Variants in AKT3 observed in about 807,000 individuals in gnomAD.
AKT3 encodes the protein AKT serine/threonine kinase 3.
In AKT3, 15 loss-of-function variants were observed where a neutral mutation model predicts 65.3. The ratio of observed to expected loss-of-function variants is 0.23; its 90% CI spans 0.15 to 0.35. The LOEUF (loss-of-function observed/expected upper bound fraction) is 0.35, where lower values mean the gene tolerates loss of function less well. AKT3 is among the 10% of genes least tolerant of loss of function. The probability of loss-of-function intolerance (pLI) is 1.00; values close to 1 mark genes in which losing one functional copy is unlikely to be tolerated. For missense variants in AKT3, 243 were observed against 576.5 expected, an observed-to-expected ratio of 0.42 and a Z score of 5.92; for synonymous variants, 206 against 183.8, an observed-to-expected ratio of 1.12 and a Z score of -0.98.
At chr1:243,822,452 A>G (rs1693910684) in intron 2 of AKT3, among the ~76,000 whole-genome samples, 1 of 147,112 alleles carries the variant, frequency 6.8e-6, no homozygotes, top group African/African-American at 2.6e-5. Flanking sequence ...GGAGAGAGAG[A>G]CACTAAAAAC....
At chr1:243,648,315 G>A (rs555144400) in intron 4 of AKT3, among the ~76,000 whole-genome samples, 4 of 151,438 alleles carry the variant, frequency 2.6e-5, no homozygotes, top group Non-Finnish European at 5.9e-5. Flanking sequence ...TTCTTTTTCT[G>A]TATCTCTATA....
At chr1:243,595,174 T>C (rs1365578420) in intron 8 of AKT3, among the ~76,000 whole-genome samples, 1 of 152,238 alleles carries the variant, frequency 6.6e-6, no homozygotes, top group East Asian at 1.9e-4. Context: ...GGTACAGACC[T>C]GTACAGCATG....
chr1:243,815,430 C>A (rs771831228), intron 2 of AKT3, among the ~76,000 whole-genome samples: 1 of 152,174 alleles, frequency 6.6e-6, no homozygotes, highest in South Asian at 2.1e-4. Flanking sequence ...TTTAAGCCCT[C>A]GAGCAAAGCC....
chr1:243,837,968 G>C (rs921396163), intron 2 of AKT3, among the ~76,000 whole-genome samples: 4 of 152,138 alleles, frequency 2.6e-5, no homozygotes, highest in African/African-American at 9.7e-5. Context: ...CAGATAACTT[G>C]ACCATCTATG....
chr1:243,540,400 T>C (rs1672225983), intron 12 of AKT3, among the ~76,000 whole-genome samples: 1 of 152,180 alleles, frequency 6.6e-6, no homozygotes, highest in Non-Finnish European at 1.5e-5. Context: ...CCATTCATGA[T>C]TTTAAAAACT....
At chr1:243,811,094 T>C (rs1163825277) in intron 2 of AKT3, among the ~76,000 whole-genome samples, 1 of 152,194 alleles carries the variant, frequency 6.6e-6, no homozygotes, top group East Asian at 1.9e-4. Context: ...ACTGGAAGCA[T>C]TCCCTTTGAA....
At chr1:243,691,677 G>C (rs1036762539) in intron 3 of AKT3, among the ~76,000 whole-genome samples, 2 of 152,188 alleles carry the variant, frequency 1.3e-5, no homozygotes, top group Non-Finnish European at 2.9e-5. Context: ...CTCAGATACT[G>C]AGTACAAAGG....
chr1:243,489,247 C>A, intron 13 of AKT3: 1 of 1,436,262 alleles, frequency 7.0e-7, no homozygotes, highest in Non-Finnish European at 9.5e-7. Flanking sequence ...CATCGGTTAG[C>A]AGTAAGCTGG....
rs912334660 is a variant in AKT3, at chr1:243,649,408, T to C, written c.285-3371A>G. On this transcript the variant is annotated intron_variant, in intron 4 of 13. Coordinates refer to ENST00000673466, the MANE Select transcript of AKT3 (RefSeq NM_005465.7). ...TATATATGTTATGTGTATATATATATACACATACACACATACATACACACT... is the reference window on the plus strand; with the variant it reads ...TATATATGTTATGTGTATATATATACACACATACACACATACATACACACT... 3.3e-5 allele frequency among the ~76,000 whole-genome samples: 5 copies of C among 151,664 alleles called. No homozygotes were observed. In the South Asian group the frequency reaches 1.0e-3, roughly 32 times the overall value.
In AKT3 at chr1:243,649,606, C is replaced by A. The variant is rs1681145978; in HGVS notation, c.285-3569G>T. Among the ~76,000 whole-genome samples, 4 of 152,054 alleles carry A rather than the reference C, an allele frequency of 2.6e-5. No individual in the cohort carries two copies. In the South Asian group the frequency reaches 8.3e-4, roughly 32 times the overall value. ...AGGCCCCAGTATGTGATGTTCCCCT[C>A]CCTGTGTCCATGTGTTCTCATTGTT... is the stretch of plus-strand genomic sequence containing the variant. On this transcript the variant is annotated intron_variant, in intron 4 of 13. Coordinates refer to ENST00000673466, the MANE Select transcript of AKT3 (RefSeq NM_005465.7).
chr1:243,516,009 T>C (rs371733847), intron 12 of AKT3, among the ~76,000 whole-genome samples: 14 of 152,084 alleles, frequency 9.2e-5, no homozygotes, highest in African/African-American at 3.1e-4. Context: ...CATATTGATA[T>C]CAAGTTAATA....
intron 2 of AKT3, among the ~76,000 whole-genome samples, chr1:243,714,729 T>G (rs1686394741): frequency 1.3e-5 from 2 of 152,118 alleles, no homozygotes; most frequent in Admixed American, 1.3e-4. Flanking sequence ...AATCTAAACA[T>G]AAATTGACTT....
chr1:243,781,995 G>C (rs1421639676), intron 2 of AKT3, among the ~76,000 whole-genome samples: 2 of 152,054 alleles, frequency 1.3e-5, no homozygotes, highest in Non-Finnish European at 2.9e-5. Context: ...GCTAACTTTT[G>C]TATTTTTTGT....
At chr1:243,776,406 T>C (rs1350340398) in intron 2 of AKT3, among the ~76,000 whole-genome samples, 4 of 152,124 alleles carry the variant, frequency 2.6e-5, no homozygotes, top group Admixed American at 2.0e-4. Context: ...TAGAGTTAGA[T>C]GAAGTTCAGG....
intron 2 of AKT3, among the ~76,000 whole-genome samples, chr1:243,748,195 T>C (rs1055568069): frequency 1.3e-5 from 2 of 152,196 alleles, no homozygotes; most frequent in South Asian, 2.1e-4. Flanking sequence ...TTATATTGCA[T>C]AGCTATCCAA....
At chr1:243,672,877 G>C (rs190822151) in intron 3 of AKT3, among the ~76,000 whole-genome samples, 1 of 152,142 alleles carries the variant, frequency 6.6e-6, no homozygotes, top group African/African-American at 2.4e-5. Context: ...GAGTCTTCTG[G>C]AACAACTGTT....
intron 4 of AKT3, among the ~76,000 whole-genome samples, chr1:243,653,032 C>T (rs1266996834): frequency 6.6e-6 from 1 of 151,376 alleles, no homozygotes; most frequent in East Asian, 1.9e-4. Flanking sequence ...ATGAAAAAAC[C>T]CTTCAAAAAA....
intron 2 of AKT3, among the ~76,000 whole-genome samples, chr1:243,800,945 G>C (rs1232042395): frequency 1.3e-5 from 2 of 152,134 alleles, no homozygotes; most frequent in Non-Finnish European, 2.9e-5. Context: ...ATTTCTGAAA[G>C]TGGGTTCAGT....
chr1:243,524,319 C>T (rs1201787194), intron 12 of AKT3, among the ~76,000 whole-genome samples: 2 of 152,166 alleles, frequency 1.3e-5, no homozygotes, highest in Admixed American at 1.3e-4. Flanking sequence ...GTGCCAAACA[C>T]CAAGCACCAG....
Sources: allele counts gnomAD v4.1 joint callset (sites outside exome capture counted in the v4.1 genomes callset), GRCh38; gene constraint gnomAD v4.1.1; transcripts MANE v1.5; gene names NCBI Gene and HGNC (gene_info 2026-07-23, HGNC 2026-07-21).